The following NPAS3 variants were observed in gnomAD, a reference collection of about 807,000 sequenced individuals.
NPAS3 encodes the protein neuronal PAS domain protein 3, also known as neuronal PAS domain-containing protein 3.
In NPAS3, 14 loss-of-function variants were observed where a neutral mutation model predicts 73.1. That is an observed-to-expected ratio of 0.19 (90% confidence interval 0.13 to 0.30). The LOEUF is 0.30. Among genes scored for constraint, NPAS3 ranks in the 10% least tolerant of loss-of-function variants. The pLI, the probability that NPAS3 is intolerant of heterozygous loss-of-function variation, is 1.00. For synonymous variants in NPAS3, 620 were observed against 541.5 expected (o/e 1.14, Z -2.01); for missense variants, 1,096 against 1,250.0 (o/e 0.88, Z 1.86).
At chr14:33,132,231 G>T (rs180808550) in intron 2 of NPAS3, among the ~76,000 whole-genome samples, 40 of 152,178 alleles carry the variant, frequency 2.6e-4, no homozygotes, top group African/African-American at 9.4e-4. Flanking sequence ...CCAAATGCTT[G>T]GTGACTAGTT....
chr14:33,746,415 C>T (rs2061798581), intron 7 of NPAS3, among the ~76,000 whole-genome samples: 1 of 151,420 alleles, frequency 6.6e-6, no homozygotes, highest in Non-Finnish European at 1.5e-5. Context: ...TCTCAAACTC[C>T]TGACCTCATG....
At chr14:33,136,752 A>G (rs2043855348) in intron 2 of NPAS3, among the ~76,000 whole-genome samples, 1 of 152,202 alleles carries the variant, frequency 6.6e-6, no homozygotes, top group African/African-American at 2.4e-5. Context: ...GTTTTTAGCT[A>G]TTGCCTTTGC....
At chr14:32,941,757 A>G (rs1386531756) in intron 1 of NPAS3, among the ~76,000 whole-genome samples, 1 of 152,140 alleles carries the variant, frequency 6.6e-6, no homozygotes, top group Non-Finnish European at 1.5e-5. Flanking sequence ...AGGAGTAATA[A>G]CAGCGGGGTG....
At chr14:33,748,883 T>A (rs2061880023) in intron 7 of NPAS3, among the ~76,000 whole-genome samples, 1 of 152,136 alleles carries the variant, frequency 6.6e-6, no homozygotes. Context: ...AAGAGGGGAA[T>A]TAAAGTCTGC....
intron 7 of NPAS3, among the ~76,000 whole-genome samples, chr14:33,735,786 A>G (rs996651683): frequency 6.6e-6 from 1 of 152,036 alleles, no homozygotes; most frequent in Non-Finnish European, 1.5e-5. Context: ...CACATAGACG[A>G]GAAAATCAGT....
At chr14:33,761,475 T>C (rs1449530316) in intron 7 of NPAS3, among the ~76,000 whole-genome samples, 1 of 151,406 alleles carries the variant, frequency 6.6e-6, no homozygotes, top group African/African-American at 2.4e-5. Flanking sequence ...CTCAAGGCAT[T>C]ATTTTTAAAG....
At chr14:33,204,702 A>G (rs1453173619) in intron 2 of NPAS3, among the ~76,000 whole-genome samples, 3 of 152,118 alleles carry the variant, frequency 2.0e-5, no homozygotes, top group Non-Finnish European at 4.4e-5. Flanking sequence ...AGGGGACCAT[A>G]AAGGACATAG....
chr14:33,313,131 G>T (rs1294752750), intron 3 of NPAS3, among the ~76,000 whole-genome samples: 6 of 152,032 alleles, frequency 3.9e-5, no homozygotes, highest in South Asian at 2.1e-4. Flanking sequence ...GGATGGAACA[G>T]TGAAGTGTCG....
intron 3 of NPAS3, among the ~76,000 whole-genome samples, chr14:33,285,589 G>T (rs2041843004): frequency 6.6e-6 from 1 of 152,134 alleles, no homozygotes; most frequent in African/African-American, 2.4e-5. Flanking sequence ...TAGGTCTCAG[G>T]TTAAATGGAC....
At chr14:33,118,198 T>C (rs2043127330) in intron 2 of NPAS3, among the ~76,000 whole-genome samples, 1 of 152,036 alleles carries the variant, frequency 6.6e-6, no homozygotes, top group Non-Finnish European at 1.5e-5. Flanking sequence ...AATACTTTAA[T>C]ATTATATAAT....
intron 2 of NPAS3, among the ~76,000 whole-genome samples, chr14:33,155,962 C>A (rs775243178): frequency 9.2e-5 from 14 of 152,194 alleles, no homozygotes; most frequent in Non-Finnish European, 1.8e-4. Context: ...GTTTTAAAAA[C>A]TTACTTTGAA....
At chr14:33,609,962 T>G (rs535278405) in intron 5 of NPAS3, among the ~76,000 whole-genome samples, 19 of 152,278 alleles carry the variant, frequency 1.2e-4, no homozygotes, top group South Asian at 2.1e-4. Flanking sequence ...TAACCAAATG[T>G]AGTGTTACCT....
At chr14:33,150,054 G>A (rs554768645) in intron 2 of NPAS3, among the ~76,000 whole-genome samples, 2 of 152,248 alleles carry the variant, frequency 1.3e-5, no homozygotes, top group East Asian at 3.9e-4. Flanking sequence ...TTCTGTTCCT[G>A]TGTTAGTTTG....
chr14:32,943,693 C>CT (rs11331212), intron 1 of NPAS3, among the ~76,000 whole-genome samples: 18,354 of 122,152 alleles, frequency 0.15, 2,241 homozygotes, highest in East Asian at 0.66. Context: ...TTTTCTTTTT[C>CT]TTTTTTTTTT....
intron 3 of NPAS3, among the ~76,000 whole-genome samples, chr14:33,285,436 A>G (rs1407054377): frequency 1.3e-5 from 2 of 152,160 alleles, no homozygotes; most frequent in Admixed American, 1.3e-4. Flanking sequence ...TCTCCTTCCA[A>G]TTCATCTTGG....
chr14:33,799,855 C>T (rs1191601035), exon 12 of NPAS3: 9 of 1,614,038 alleles, frequency 5.6e-6, no homozygotes, highest in African/African-American at 4.0e-5. Flanking sequence ...GCAACGACGA[C>T]GGCCACAGCT....
intron 9 of NPAS3, among the ~76,000 whole-genome samples, chr14:33,789,979 T>C (rs1302587635): frequency 6.6e-6 from 1 of 152,108 alleles, no homozygotes; most frequent in Non-Finnish European, 1.5e-5. Flanking sequence ...AGCCCAAAAA[T>C]TTTGGAGAGT....
At chr14:33,727,130 G>C (rs2061289109) in intron 6 of NPAS3, among the ~76,000 whole-genome samples, 1 of 152,164 alleles carries the variant, frequency 6.6e-6, no homozygotes. Flanking sequence ...ATCTGTGCCT[G>C]AGATGGAGAT....
chr14:33,163,600 T>C (rs1381756969), intron 2 of NPAS3, among the ~76,000 whole-genome samples: 1 of 151,308 alleles, frequency 6.6e-6, no homozygotes, highest in Non-Finnish European at 1.5e-5. Flanking sequence ...CACTTAAGAA[T>C]ACTTAAGCAG....
Sources: gnomAD v4.1 joint callset for allele counts (sites outside exome capture counted in the v4.1 genomes callset) on GRCh38, gnomAD v4.1.1 for gene constraint, MANE v1.5 for transcripts, NCBI Gene and HGNC (gene_info 2026-07-23, HGNC 2026-07-21) for gene names.